MICU2: variants seen among roughly 807,000 people sequenced by gnomAD.
The protein encoded by MICU2 is calcium uptake protein 2, mitochondrial.
MICU2 carries 64 observed loss-of-function variants against 60.4 expected under a neutral mutation model. The ratio of observed to expected loss-of-function variants is 1.06; its 90% confidence interval spans 0.87 to 1.31. The LOEUF is 1.31. Among genes scored for constraint, MICU2 ranks in the 50% most tolerant of loss-of-function variants. The probability of loss-of-function intolerance (pLI) is 0.00; values close to 1 mark genes in which losing one functional copy is unlikely to be tolerated. For synonymous variants in MICU2, 201 were observed against 175.0 expected (o/e 1.15, Z -1.17); for missense variants, 569 against 531.0 (o/e 1.07, Z -0.70).
At chr13:21,546,812 T>C (rs1046207371) in intron 2 of MICU2, among the ~76,000 whole-genome samples, 4 of 152,174 alleles carry the variant, frequency 2.6e-5, no homozygotes, top group African/African-American at 9.7e-5. Flanking sequence ...TTTAAAAAAA[T>C]ACAACTGATT....
intron 3 of MICU2, 136 bp downstream of exon 3, chr13:21,539,521 A>T (rs1325699244): frequency 7.6e-7 from 1 of 1,313,682 alleles, no homozygotes; most frequent in Non-Finnish European, 1.1e-6. Flanking sequence ...CAGGATGGTG[A>T]TCTCCTGACC....
chr13:21,571,072 C>A (rs569789076), intron 1 of MICU2, among the ~76,000 whole-genome samples: 4 of 152,154 alleles, frequency 2.6e-5, no homozygotes, highest in African/African-American at 9.6e-5. Context: ...TCCCAGTTTT[C>A]TCTTCCCTCT....
intron 8 of MICU2, among the ~76,000 whole-genome samples, chr13:21,508,643 C>T (rs1431873510): frequency 2.6e-5 from 4 of 152,168 alleles, no homozygotes; most frequent in African/African-American, 4.8e-5. Context: ...CTCCATTCTC[C>T]TCACCTTATG....
intron 6 of MICU2, among the ~76,000 whole-genome samples, chr13:21,515,249 T>G (rs917198062): frequency 6.6e-6 from 1 of 151,790 alleles, no homozygotes; most frequent in African/African-American, 2.4e-5. Flanking sequence ...GCCTGGCTAA[T>G]TTTTTTGTAT....
chr13:21,567,611 T>C (rs1481840623), intron 1 of MICU2, among the ~76,000 whole-genome samples: 1 of 152,160 alleles, frequency 6.6e-6, no homozygotes, highest in Non-Finnish European at 1.5e-5. Context: ...GGGTAAAATA[T>C]TGCAGAATAT....
chr13:21,510,920 C>T (rs565420564), intron 7 of MICU2, among the ~76,000 whole-genome samples: 20 of 152,122 alleles, frequency 1.3e-4, no homozygotes, highest in African/African-American at 4.8e-4. Flanking sequence ...GAGAAGACAA[C>T]CCTGAGACAA....
intron 1 of MICU2, among the ~76,000 whole-genome samples, chr13:21,590,651 G>A (rs899238503): frequency 5.9e-5 from 9 of 152,096 alleles, no homozygotes; most frequent in Admixed American, 2.0e-4. Context: ...TCAAGAGATC[G>A]AGACCATCGT....
intron 1 of MICU2, among the ~76,000 whole-genome samples, chr13:21,601,574 T>A (rs1263659002): frequency 6.6e-6 from 1 of 151,690 alleles, no homozygotes; most frequent in Non-Finnish European, 1.5e-5. Flanking sequence ...ACTACACTAG[T>A]GTGAAGCTTT....
rs151233988 is a variant in MICU2 at position 21,532,829 on chromosome 13, G to A, written c.466+6473C>T. 1.3e-3 allele frequency among the ~76,000 whole-genome samples: 197 copies of A among 152,296 alleles called. 5 individuals carry two copies. In the East Asian group the frequency reaches 0.034, roughly 26 times the overall value. ...TGGAGTGGGTACCAGGCTGAAATGAGCTGAATGAATGAATGAGAGGTGAGG... is the reference window on the plus strand; with the variant it reads ...TGGAGTGGGTACCAGGCTGAAATGAACTGAATGAATGAATGAGAGGTGAGG... On this transcript the variant is annotated intron_variant, in intron 4 of 11. Transcript: ENST00000382374.
intron 9 of MICU2, among the ~76,000 whole-genome samples, chr13:21,500,417 A>T (rs1886117952): frequency 8.0e-6 from 1 of 124,960 alleles, no homozygotes; most frequent in Admixed American, 8.2e-5. Flanking sequence ...ATACCTACTG[A>T]TTTTTTTTTT....
chr13:21,509,837 C>T (rs1405344735), intron 8 of MICU2, among the ~76,000 whole-genome samples, 167 bp downstream of exon 8: 1 of 152,154 alleles, frequency 6.6e-6, no homozygotes, highest in Non-Finnish European at 1.5e-5. Flanking sequence ...ATTTTAGTTT[C>T]TATTTCATAG....
At chr13:21,586,073 T>C (rs1024881573) in intron 1 of MICU2, among the ~76,000 whole-genome samples, 3 of 152,162 alleles carry the variant, frequency 2.0e-5, no homozygotes, top group African/African-American at 7.2e-5. Flanking sequence ...CCATTAGAAG[T>C]TTGTGGCAAT....
At chr13:21,597,222 C>T (rs926176472) in intron 1 of MICU2, among the ~76,000 whole-genome samples, 6 of 152,138 alleles carry the variant, frequency 3.9e-5, no homozygotes, top group Admixed American at 6.5e-5. Flanking sequence ...TTAATTCACC[C>T]ATTCAATACA....
At chr13:21,581,588 G>T (rs573536280) in intron 1 of MICU2, among the ~76,000 whole-genome samples, 4 of 152,130 alleles carry the variant, frequency 2.6e-5, no homozygotes, top group Non-Finnish European at 5.9e-5. Flanking sequence ...AAAGATGAAT[G>T]ATAAAATGGT....
At chr13:21,598,353 T>C (rs1593362772) in intron 1 of MICU2, among the ~76,000 whole-genome samples, 1 of 152,182 alleles carries the variant, frequency 6.6e-6, no homozygotes, top group African/African-American at 2.4e-5. Flanking sequence ...GTGAACTATA[T>C]TGTATTTTAC....
chr13:21,508,648 C>T (rs1886353960), intron 8 of MICU2, among the ~76,000 whole-genome samples: 2 of 152,120 alleles, frequency 1.3e-5, no homozygotes, highest in Admixed American at 6.5e-5. Flanking sequence ...TTCTCCTCAC[C>T]TTATGCTTCC....
At chr13:21,571,530 T>A (rs1286049641) in intron 1 of MICU2, among the ~76,000 whole-genome samples, 1 of 152,102 alleles carries the variant, frequency 6.6e-6, no homozygotes, top group South Asian at 2.1e-4. Context: ...ACCCCGTCTC[T>A]ACAAAAAATA....
chr13:21,560,810 G>A (rs545162312), intron 2 of MICU2, among the ~76,000 whole-genome samples: 1 of 152,280 alleles, frequency 6.6e-6, no homozygotes, highest in South Asian at 2.1e-4. Flanking sequence ...TTGAGTGCCT[G>A]TAACAACATC....
chr13:21,585,111 C>G (rs1037628305), intron 1 of MICU2, among the ~76,000 whole-genome samples: 1 of 152,226 alleles, frequency 6.6e-6, no homozygotes, highest in African/African-American at 2.4e-5. Flanking sequence ...GACAACCTCT[C>G]ATTCATGCAG....
Sources: gnomAD v4.1 joint callset for allele counts (sites outside exome capture counted in the v4.1 genomes callset) on GRCh38, gnomAD v4.1.1 for gene constraint, MANE v1.5 for transcripts, NCBI Gene and HGNC (gene_info 2026-07-23, HGNC 2026-07-21) for gene names.